RAD9B: variants seen among roughly 807,000 people sequenced by gnomAD.
RAD9B encodes RAD9 checkpoint clamp component B, also known as cell cycle checkpoint control protein RAD9B.
Under a neutral mutation model 48.3 loss-of-function variants are expected in RAD9B, and 41 were observed. That is an observed-to-expected ratio of 0.85 (90% CI 0.66 to 1.10). The LOEUF (loss-of-function observed/expected upper bound fraction) is 1.10. RAD9B is among the 50% of genes least tolerant of loss of function. The probability of loss-of-function intolerance (pLI) is 0.00; values close to 1 mark genes in which losing one functional copy is unlikely to be tolerated. For synonymous variants in RAD9B, 160 were observed against 157.9 expected, an observed-to-expected ratio of 1.01 and a Z score of -0.10; for missense variants, 444 against 485.1, an observed-to-expected ratio of 0.92 and a Z score of 0.80.
rs185802132 is a variant in RAD9B, at chr12:110,529,556, G to T, written c.1126-969G>T. ...GCTTGAAGCCAGGAGTTTGAGACCA[G>T]CCTGGGCCACGTAGCAAGACCTGGT... On this transcript the variant is annotated intron_variant, in intron 10 of 10. Transcript: ENST00000409300. Among the ~76,000 whole-genome samples, 645 of 151,990 alleles carry T rather than the reference G, an allele frequency of 4.2e-3. 5 individuals are homozygous for T. Among genetic ancestry groups the T allele is most frequent in the African/African-American group, 0.015 (619 of 41,470 alleles).
Position 110,520,764 on chromosome 12 carries a change from C to T in RAD9B, c.890+848C>T, listed in dbSNP as rs1482398456. 2.6e-5 allele frequency among the ~76,000 whole-genome samples: 4 copies of T among 151,102 alleles called. No homozygotes were observed. The South Asian group carries it at 8.4e-4, about 32-fold the overall frequency. On this transcript the variant is annotated intron_variant, in intron 9 of 10. Transcript: ENST00000409300. ...CCCCTGGGTTCAAGCAATTCTCCTG[C>T]CTCAGCCTCCCTAGTCGCTGGGATG...
rs975298066 is a variant in RAD9B at position 110,521,332 on chromosome 12, T to C, written c.891-845T>C. Among the ~76,000 whole-genome samples, 29 of 151,864 alleles carry C rather than the reference T, an allele frequency of 1.9e-4. 1 individual carries two copies. The highest frequency in any genetic ancestry group is 6.4e-3 in the Middle Eastern group (2 of 314). ...CACACCCAGCTAATTTTTGTGTTTT[T>C]TGTAGAGATCGGGTTTTACCATGTT... is the stretch of plus-strand genomic sequence containing the variant. On this transcript the variant is annotated intron_variant, in intron 9 of 10. Transcript: ENST00000409300.
At chr12:110,504,195 G>A (rs1452232466) in intron 2 of RAD9B, among the ~76,000 whole-genome samples, 1 of 151,076 alleles carries the variant, frequency 6.6e-6, no homozygotes, top group Admixed American at 6.6e-5. Flanking sequence ...GAGGCCGGGC[G>A]CGATGGCTCA....
intron 9 of RAD9B, among the ~76,000 whole-genome samples, chr12:110,520,400 C>A (rs904476075): frequency 6.6e-6 from 1 of 151,758 alleles, no homozygotes; most frequent in Non-Finnish European, 1.5e-5. Context: ...TTTGTAGAGA[C>A]AGGGTTTCAC....
At chr12:110,524,620 T>A (rs906202203) in intron 10 of RAD9B, among the ~76,000 whole-genome samples, 26 of 146,102 alleles carry the variant, frequency 1.8e-4, no homozygotes, top group African/African-American at 6.3e-4. Flanking sequence ...ACTCTTAGAT[T>A]GGCCGGCGTG....
At chr12:110,502,872 A>G (rs1334231107) in intron 1 of RAD9B, 2 of 158,292 alleles carry the variant, frequency 1.3e-5, no homozygotes, top group African/African-American at 4.8e-5. Context: ...TTTGGAGGCA[A>G]TGAAATGGAA....
chr12:110,518,566 T>C (rs145919991), intron 6 of RAD9B, 110 bp from the exon 7 acceptor site: 11,564 of 624,190 alleles, frequency 0.019, 163 homozygotes, highest in Non-Finnish European at 0.024. Context: ...TTAGGGTACG[T>C]AGGGCAGGAG....
At chr12:110,503,465 C>T (rs2063159787) in intron 1 of RAD9B, 1 of 209,196 alleles carries the variant, frequency 4.8e-6, no homozygotes, top group Admixed American at 5.4e-5. Flanking sequence ...ACTGTTTTCA[C>T]AGTTTTTGGG....
chr12:110,506,478 G>A (rs1160043381), intron 3 of RAD9B, 101 bp from the exon 4 acceptor site: 19 of 660,564 alleles, frequency 2.9e-5, no homozygotes, highest in African/African-American at 5.5e-5. Context: ...GTGAGCCACC[G>A]CGCCTGGCCA....
At chr12:110,524,896 T>C (rs2063888603) in intron 10 of RAD9B, among the ~76,000 whole-genome samples, 1 of 151,956 alleles carries the variant, frequency 6.6e-6, no homozygotes, top group Admixed American at 6.5e-5. Context: ...AGTACAATGA[T>C]CATTTCATTG....
At position 110,530,405 on chromosome 12, in the gene RAD9B, T is replaced by C. The variant is rs77356231; in HGVS notation, c.1126-120T>C. The C allele has an allele frequency of 8.5e-3, 7,632 of 902,662 alleles. 38 individuals carry two copies. The highest frequency in any genetic ancestry group is 9.9e-3 in the Non-Finnish European group (5,665 of 574,838). 55.9% of individuals were successfully genotyped at this position (902,662 alleles called of 1,614,324 possible). The stretch of plus-strand genomic sequence containing the variant: ...AAGGTTCTGGGTGTTCTGTGAACCA[T>C]CACCAGCAAAGACAGGGATATAATA... On this transcript the variant is annotated intron_variant, in intron 10 of 10. Transcript: ENST00000409300.
At chr12:110,528,657 C>CT (rs2064022509) in intron 10 of RAD9B, among the ~76,000 whole-genome samples, 2 of 152,340 alleles carry the variant, frequency 1.3e-5, no homozygotes, top group South Asian at 2.1e-4. Flanking sequence ...TGGGTCCTGA[C>CT]TTTAAGGATG....
intron 5 of RAD9B, among the ~76,000 whole-genome samples, chr12:110,513,727 A>T (rs866228545): frequency 2.0e-5 from 2 of 100,752 alleles, no homozygotes; most frequent in South Asian, 4.6e-4. Context: ...TATTATTATT[A>T]TTATTATTAT....
At chr12:110,529,835 G>A (rs545394969) in intron 10 of RAD9B, among the ~76,000 whole-genome samples, 1 of 152,182 alleles carries the variant, frequency 6.6e-6, no homozygotes, top group South Asian at 2.1e-4. Context: ...GGAAAGGACT[G>A]GCTTTAACTT....
At chr12:110,517,813 T>C (rs142221009) in intron 6 of RAD9B, among the ~76,000 whole-genome samples, 50 of 151,386 alleles carry the variant, frequency 3.3e-4, no homozygotes, top group Non-Finnish European at 6.2e-4. Context: ...AATGTGCTTA[T>C]TGACATGGAA....
At chr12:110,525,688 T>C (rs930508144) in intron 10 of RAD9B, among the ~76,000 whole-genome samples, 2 of 152,112 alleles carry the variant, frequency 1.3e-5, no homozygotes, top group African/African-American at 4.8e-5. Context: ...AACTGGTAAG[T>C]ATTTTGTGGA....
chr12:110,505,871 G>C, intron 3 of RAD9B, 99 bp downstream of exon 3: 1 of 882,046 alleles, frequency 1.1e-6, no homozygotes. Context: ...ATGGCATTCA[G>C]GACAAATCTG....
chr12:110,504,809 C>T (rs1490993417), intron 2 of RAD9B, among the ~76,000 whole-genome samples: 1 of 152,038 alleles, frequency 6.6e-6, no homozygotes, highest in Non-Finnish European at 1.5e-5. Flanking sequence ...CCAGCCTGAG[C>T]AACAAAGCAA....
At chr12:110,512,674 T>C in intron 4 of RAD9B, 105 bp from the exon 5 acceptor site, 2 of 603,222 alleles carry the variant, frequency 3.3e-6, no homozygotes, top group South Asian at 2.0e-5. Flanking sequence ...TGCCAGATAG[T>C]AAATGTTACT....
Sources: allele counts gnomAD v4.1 joint callset (sites outside exome capture counted in the v4.1 genomes callset), GRCh38; gene constraint gnomAD v4.1.1; transcripts MANE v1.5; gene names NCBI Gene and HGNC (gene_info 2026-07-23, HGNC 2026-07-21).